PREX1: variants seen among roughly 807,000 people sequenced by gnomAD.
PREX1 encodes phosphatidylinositol 3,4,5-trisphosphate-dependent Rac exchanger 1 protein.
Under a neutral mutation model 198.3 loss-of-function variants are expected in PREX1, and 41 were observed. That is an observed-to-expected ratio of 0.21 (90% CI 0.16 to 0.27). The LOEUF is 0.27. Ranked by LOEUF, PREX1 falls within the 10% of genes least tolerant of loss-of-function variation. The probability of loss-of-function intolerance (pLI) is 1.00; values close to 1 mark genes in which losing one functional copy is unlikely to be tolerated. For synonymous variants in PREX1, 843 were observed against 887.2 expected (o/e 0.95, Z 0.89); for missense variants, 1,620 against 2,200.7 (o/e 0.74, Z 5.28).
chr20:48,823,100 A>G (rs750638185), intron 1 of PREX1, among the ~76,000 whole-genome samples: 4 of 152,206 alleles, frequency 2.6e-5, no homozygotes, highest in Non-Finnish European at 5.9e-5. Flanking sequence ...AACCACAGAA[A>G]GCATTCTGGG....
At chr20:48,697,343 C>T (rs2089852089) in intron 7 of PREX1, among the ~76,000 whole-genome samples, 1 of 151,644 alleles carries the variant, frequency 6.6e-6, no homozygotes, top group African/African-American at 2.4e-5. Flanking sequence ...CTCAAGGTAG[C>T]ACAGATAGTA....
At chr20:48,761,144 G>T (rs936798217) in intron 1 of PREX1, among the ~76,000 whole-genome samples, 1 of 152,246 alleles carries the variant, frequency 6.6e-6, no homozygotes, top group African/African-American at 2.4e-5. Flanking sequence ...AGCATTGCGT[G>T]TATCGGAGGA....
At chr20:48,861,217 C>T in the PREX1 span, among the ~76,000 whole-genome samples, 1 of 152,086 alleles carries the variant, frequency 6.6e-6, no homozygotes, top group African/African-American at 2.4e-5. Flanking sequence ...AAGGAGAGGT[C>T]GAGAGAAATG....
intron 7 of PREX1, 132 bp downstream of exon 7, chr20:48,700,621 T>C (rs2089868824): frequency 3.3e-6 from 4 of 1,205,030 alleles, no homozygotes; most frequent in Non-Finnish European, 4.7e-6. Context: ...GTATTCCTAC[T>C]AGACAGCACT....
At chr20:48,825,646 G>C (rs1418207609) in intron 1 of PREX1, among the ~76,000 whole-genome samples, 2 of 151,964 alleles carry the variant, frequency 1.3e-5, no homozygotes, top group African/African-American at 4.8e-5. Flanking sequence ...ACACCATCTA[G>C]GGCAGGGGCG....
At chr20:48,804,964 G>A (rs1190018646) in intron 1 of PREX1, among the ~76,000 whole-genome samples, 1 of 152,214 alleles carries the variant, frequency 6.6e-6, no homozygotes, top group Non-Finnish European at 1.5e-5. Context: ...TCATCATCTA[G>A]AGGTCGGGAC....
At chr20:48,744,639 T>C (rs28404239) in intron 3 of PREX1, among the ~76,000 whole-genome samples, 10,774 of 152,260 alleles carry the variant, frequency 0.071, 472 homozygotes, top group South Asian at 0.18. Flanking sequence ...GTCCAGTGGG[T>C]GCCTGAGCCG....
At chr20:48,679,273 G>C in intron 13 of PREX1, 87 bp downstream of exon 13, 1 of 1,146,458 alleles carries the variant, frequency 8.7e-7, no homozygotes, top group African/African-American at 1.6e-5. Context: ...AAGGAGACTG[G>C]AGCTCAGAGA....
chr20:48,655,574 A>T (rs2089536634), intron 18 of PREX1, among the ~76,000 whole-genome samples, 199 bp from the exon 19 acceptor site: 1 of 152,302 alleles, frequency 6.6e-6, no homozygotes, highest in Non-Finnish European at 1.5e-5. Flanking sequence ...TGCCACCAGG[A>T]TCTTTGATTA....
At chr20:48,655,151 G>T in intron 19 of PREX1, 139 bp downstream of exon 19, 1 of 907,256 alleles carries the variant, frequency 1.1e-6, no homozygotes, top group Non-Finnish European at 1.6e-6. Flanking sequence ...TGCAAGTCTT[G>T]GCATCAGGCA....
intron 21 of PREX1, 51 bp downstream of exon 21, chr20:48,652,535 G>A (rs775648536): frequency 9.0e-6 from 14 of 1,549,366 alleles, no homozygotes; most frequent in African/African-American, 5.4e-5. Context: ...CAGCCCCTCC[G>A]GAGTCTCAGT....
intron 1 of PREX1, among the ~76,000 whole-genome samples, chr20:48,780,899 T>C (rs900770257): frequency 1.3e-5 from 2 of 152,226 alleles, no homozygotes; most frequent in Non-Finnish European, 1.5e-5. Flanking sequence ...ACCATCTTAA[T>C]TAAGTGTTAA....
At chr20:48,856,689 CTT>C in the PREX1 span, among the ~76,000 whole-genome samples, 1 of 152,200 alleles carries the variant, frequency 6.6e-6, no homozygotes, top group Non-Finnish European at 1.5e-5. Flanking sequence ...GGATGAGACT[CTT>C]TGCCGGGTGG....
the PREX1 span, among the ~76,000 whole-genome samples, chr20:48,887,121 G>T: frequency 1.3e-5 from 2 of 152,242 alleles, no homozygotes; most frequent in African/African-American, 2.4e-5. Context: ...AAACAGCAAA[G>T]GCTCTGGAGG....
At chr20:48,672,563 C>T (rs1277734584) in intron 14 of PREX1, among the ~76,000 whole-genome samples, 1 of 152,262 alleles carries the variant, frequency 6.6e-6, no homozygotes, top group Non-Finnish European at 1.5e-5. Flanking sequence ...CACAGCCTGG[C>T]ATGGTGCGCC....
chr20:48,703,570 T>C (rs1175523779), intron 6 of PREX1, among the ~76,000 whole-genome samples: 1 of 152,178 alleles, frequency 6.6e-6, no homozygotes, highest in African/African-American at 2.4e-5. Flanking sequence ...TGCCTCCCCT[T>C]CCTTTTGCCT....
intron 1 of PREX1, among the ~76,000 whole-genome samples, chr20:48,818,040 A>T (rs1413109930): frequency 1.3e-5 from 2 of 152,198 alleles, no homozygotes; most frequent in African/African-American, 2.4e-5. Flanking sequence ...GACCCAGTCA[A>T]GAACATGATT....
Position 48,808,779 on chromosome 20 carries a change from A to G in PREX1, c.219+18863T>C, listed in dbSNP as rs150638375. Reference sequence around the variant, plus strand: ...ACCTCCCATTGCTCTGCCCCTGGCCATTCCGGCCTCCGTGTGGATCCTAAA... The same window carrying G: ...ACCTCCCATTGCTCTGCCCCTGGCCGTTCCGGCCTCCGTGTGGATCCTAAA... On this transcript the variant is annotated intron_variant, in intron 1 of 39. Coordinates refer to ENST00000371941, the MANE Select transcript of PREX1 (RefSeq NM_020820.4). 4.6e-3 allele frequency among the ~76,000 whole-genome samples: 698 copies of G among 152,238 alleles called. 8 individuals carry two copies. Among genetic ancestry groups the G allele is most frequent in the Non-Finnish European group, 6.9e-3 (469 of 68,024 alleles).
the PREX1 span, among the ~76,000 whole-genome samples, chr20:48,882,019 A>G: frequency 0.053 from 7,618 of 142,634 alleles, 345 homozygotes; most frequent in African/African-American, 0.13. Context: ...TATGTTTTTT[A>G]TGACGAGCTT....
Sources: allele counts gnomAD v4.1 joint callset (sites outside exome capture counted in the v4.1 genomes callset), GRCh38; gene constraint gnomAD v4.1.1; transcripts MANE v1.5; gene names NCBI Gene and HGNC (gene_info 2026-07-23, HGNC 2026-07-21).